Variants in NUP98 observed in about 807,000 individuals in gnomAD.
NUP98 encodes nuclear pore complex protein Nup98-Nup96.
NUP98 carries 26 observed loss-of-function variants against 191.9 expected under a neutral mutation model. The ratio of observed to expected loss-of-function variants is 0.14; its 90% confidence interval spans 0.10 to 0.19. The LOEUF (loss-of-function observed/expected upper bound fraction) is 0.19. Among genes scored for constraint, NUP98 ranks in the 10% least tolerant of loss-of-function variants. NUP98 has a pLI of 1.00. For missense variants in NUP98, 1,941 were observed against 2,178.8 expected, an observed-to-expected ratio of 0.89 and a Z score of 2.17; for synonymous variants, 808 against 778.4, an observed-to-expected ratio of 1.04 and a Z score of -0.63.
chr11:3,787,889 G>A (rs1272000461), intron 1 of NUP98, among the ~76,000 whole-genome samples: 1 of 152,100 alleles, frequency 6.6e-6, no homozygotes, highest in East Asian at 1.9e-4. Flanking sequence ...CTACTTGGGA[G>A]GCTGAGGCAG....
intron 25 of NUP98, among the ~76,000 whole-genome samples, chr11:3,698,793 C>T (rs2078591283): frequency 6.7e-6 from 1 of 148,702 alleles, no homozygotes; most frequent in Non-Finnish European, 1.5e-5. Flanking sequence ...GTGTGATCTA[C>T]CCACCTTGGC....
At chr11:3,794,707 C>G (rs1225307920) in intron 1 of NUP98, among the ~76,000 whole-genome samples, 3 of 152,148 alleles carry the variant, frequency 2.0e-5, no homozygotes, top group Non-Finnish European at 4.4e-5. Context: ...CTCAATCTTC[C>G]AGGCTCTGAT....
intron 23 of NUP98, among the ~76,000 whole-genome samples, chr11:3,701,793 C>T (rs1272921923): frequency 4.6e-4 from 69 of 151,640 alleles, no homozygotes; most frequent in African/African-American, 4.8e-5. Flanking sequence ...TCACACCATT[C>T]TCCTGCCTCA....
chr11:3,719,346 T>C (rs760130724), intron 18 of NUP98, 66 bp downstream of exon 18: 23 of 1,321,986 alleles, frequency 1.7e-5, no homozygotes, highest in Non-Finnish European at 2.0e-5. Flanking sequence ...TCTAAACACA[T>C]TTATGTTTAC....
Position 3,771,862 on chromosome 11 carries a change from T to C in NUP98, c.670A>G (p.Thr224Ala), listed in dbSNP as rs2133906822. The C allele has an allele frequency of 6.2e-7, 1 of 1,614,168 alleles. No homozygotes were observed. The highest frequency in any genetic ancestry group is 2.2e-5 in the East Asian group (1 of 44,888). ...GGAGAAGACCCAAACAAGCCAGTTG[T>C]GGTACCTGCTCCCACCTGGTTCTGT... Reference protein sequence around the residue: ...GPQNQVGAGTTTGLFGSSPAT... With the variant: ...GPQNQVGAGTATGLFGSSPAT... The change falls in exon 7 of 33, where the codon ACA becomes GCA. Residue 224 changes from threonine (T) to alanine (A), a missense_variant. Physicochemically the swap from Thr to Ala is moderately conservative, Grantham distance 58 (BLOSUM62 0). Around this residue, in one of 6 missense-constraint regions of NUP98, gnomAD observed 181 missense variants for 228.0 expected, o/e 0.79. Coordinates refer to ENST00000324932, the MANE Select transcript of NUP98 (RefSeq NM_016320.5).
intron 13 of NUP98, among the ~76,000 whole-genome samples, chr11:3,733,443 C>T (rs935281898): frequency 2.0e-5 from 3 of 152,130 alleles, no homozygotes; most frequent in Non-Finnish European, 4.4e-5. Context: ...TCACGAATAG[C>T]TGGGATTATG....
intron 4 of NUP98, among the ~76,000 whole-genome samples, chr11:3,776,612 G>A (rs1468259054): frequency 6.6e-6 from 1 of 151,528 alleles, no homozygotes; most frequent in Admixed American, 6.6e-5. Flanking sequence ...AGCCTCCTGA[G>A]TAGCTGGGAC....
intron 24 of NUP98, 44 bp from the exon 25 acceptor site, chr11:3,699,392 C>T (rs188572889): frequency 4.4e-6 from 7 of 1,601,650 alleles, no homozygotes; most frequent in Non-Finnish European, 6.0e-6. Context: ...CAAAGTCTTA[C>T]AACAACTTCA....
chr11:3,791,020 C>T (rs930236316), intron 1 of NUP98, among the ~76,000 whole-genome samples: 6 of 151,854 alleles, frequency 4.0e-5, no homozygotes, highest in African/African-American at 7.2e-5. Flanking sequence ...GTCAGCCTTC[C>T]GAGTAACTGG....
At chr11:3,734,821 C>A (rs1008046308) in intron 13 of NUP98, among the ~76,000 whole-genome samples, 2 of 152,032 alleles carry the variant, frequency 1.3e-5, no homozygotes, top group African/African-American at 2.4e-5. Context: ...AATCCCAGCA[C>A]GTTGGGAGAC....
chr11:3,706,821 C>T (rs1406413695), intron 20 of NUP98, among the ~76,000 whole-genome samples, 194 bp from the exon 21 acceptor site: 3 of 152,122 alleles, frequency 2.0e-5, no homozygotes, highest in Non-Finnish European at 4.4e-5. Context: ...TACTTTGATC[C>T]AAATAAGGAT....
chr11:3,746,293 A>C (rs867363092), intron 11 of NUP98, among the ~76,000 whole-genome samples: 2 of 139,028 alleles, frequency 1.4e-5, no homozygotes, highest in Non-Finnish European at 3.3e-5. Flanking sequence ...AAAAAAAAAA[A>C]AGACAGCTTT....
At chr11:3,723,673 T>G (rs1025727852) in intron 15 of NUP98, among the ~76,000 whole-genome samples, 1 of 151,742 alleles carries the variant, frequency 6.6e-6, no homozygotes, top group Non-Finnish European at 1.5e-5. Context: ...TGGTTAATTT[T>G]AAGATTAAAA....
chr11:3,728,554 T>C (rs1170253700), intron 14 of NUP98, among the ~76,000 whole-genome samples: 1 of 151,954 alleles, frequency 6.6e-6, no homozygotes, highest in African/African-American at 2.4e-5. Flanking sequence ...GCTAACACAG[T>C]GAAACCCTGT....
chr11:3,729,964 G>A (rs61877578), intron 14 of NUP98, among the ~76,000 whole-genome samples: 7,699 of 152,092 alleles, frequency 0.051, 256 homozygotes, highest in Middle Eastern at 0.099. Flanking sequence ...GGACAAGGCG[G>A]GGCACAGTGG....
Position 3,738,776 on chromosome 11 carries a change from CAAAAA to C in NUP98, c.1409-3457_1409-3453del, listed in dbSNP as rs58460963. Among the ~76,000 whole-genome samples the C allele has an allele frequency of 1.8e-4, 12 of 67,248 alleles. No individual in the cohort carries two copies. The Admixed American group carries it at 2.1e-3, about 12-fold the overall frequency. The allele number at this position is 67,248 out of a possible 152,430, so 44.1% of individuals were successfully genotyped here. On this transcript the variant is annotated intron_variant, in intron 12 of 32. Transcript: ENST00000324932. ...CTGGGTGACAGAGTAAGACTCCTCT[CAAAAA>C]AAAAAAAAAAAAAAAAAGGAAAGAA...
At chr11:3,789,149 A>G (rs552573215) in intron 1 of NUP98, among the ~76,000 whole-genome samples, 41 of 152,306 alleles carry the variant, frequency 2.7e-4, no homozygotes, top group African/African-American at 9.9e-4. Flanking sequence ...TGGTAGGAGG[A>G]CAAAGCTGCC....
At position 3,796,264 on chromosome 11, in the gene NUP98, G is replaced by A. The variant is rs556216175; in HGVS notation, c.-29+1136C>T. Among the ~76,000 whole-genome samples, 3 of 152,238 alleles carry A rather than the reference G, an allele frequency of 2.0e-5. No homozygotes were observed. The East Asian group carries it at 5.8e-4, about 29-fold the overall frequency. ...CCTGAAAGGAGCCATGAGTTCCGAGGTACAACTACTACAAACGGACTCCTA... is the reference window on the plus strand; with the variant it reads ...CCTGAAAGGAGCCATGAGTTCCGAGATACAACTACTACAAACGGACTCCTA... On this transcript the variant is annotated intron_variant, in intron 1 of 32. Coordinates refer to ENST00000324932, the MANE Select transcript of NUP98 (RefSeq NM_016320.5).
chr11:3,788,959 C>CA (rs201385373), intron 1 of NUP98, among the ~76,000 whole-genome samples: 15 of 150,114 alleles, frequency 1.0e-4, no homozygotes, highest in South Asian at 8.4e-4. Flanking sequence ...AAAAAACAAC[C>CA]AAAAAAAAAC....
Sources: allele counts gnomAD v4.1 joint callset (sites outside exome capture counted in the v4.1 genomes callset), GRCh38; gene constraint gnomAD v4.1.1; regional missense constraint gnomAD v4.1.1; transcripts MANE v1.5; gene names NCBI Gene and HGNC (gene_info 2026-07-23, HGNC 2026-07-21).